MCFD2: variants seen among roughly 807,000 people sequenced by gnomAD.
MCFD2 encodes multiple coagulation factor deficiency protein 2.
MCFD2 carries 11 observed loss-of-function variants against 12.8 expected under a neutral mutation model. That is an observed-to-expected ratio of 0.86 (90% CI 0.54 to 1.42). The LOEUF (loss-of-function observed/expected upper bound fraction) is 1.42. MCFD2 is among the 40% of genes most tolerant of loss of function. MCFD2 has a pLI of 0.00. For synonymous variants in MCFD2, 70 were observed against 68.1 expected (o/e 1.03, Z -0.14); for missense variants, 191 against 178.6 (o/e 1.07, Z -0.40).
At position 46,913,882 on chromosome 2, in the gene MCFD2, G is replaced by A. The variant is rs116216426; in HGVS notation, c.-7+1841C>T. Reference sequence around the variant, plus strand: ...CTGTCCATCTCCAACTTCCTTCCAGGACAGGTTCAAATGTCACCTCAGGAT... The same window carrying A: ...CTGTCCATCTCCAACTTCCTTCCAGAACAGGTTCAAATGTCACCTCAGGAT... On this transcript the variant is annotated intron_variant, in intron 1 of 3. Transcript: ENST00000319466. 1,514 of 152,942 alleles carry A rather than the reference G, an allele frequency of 9.9e-3. 30 individuals are homozygous for A. Among genetic ancestry groups the A allele is most frequent in the African/African-American group, 0.034 (1,417 of 41,584 alleles). The allele number at this position is 152,942 out of a possible 1,614,324, so 9.5% of individuals were successfully genotyped here. A position where few individuals can be genotyped will look rare whatever the true frequency, so the allele number is the denominator to read the frequency against.
chr2:46,911,348 G>A lies in MCFD2; in HGVS notation c.-6-2171C>T, dbSNP rs182896569. The stretch of plus-strand genomic sequence containing the variant: ...TCACCATCTTGGCCAGGCTGATCTC[G>A]AACTCCAGACCTCAGGTGATCCACC... On this transcript the variant is annotated intron_variant, in intron 1 of 3. Transcript: ENST00000319466. Among the ~76,000 whole-genome samples, 458 of 151,060 alleles carry A rather than the reference G, an allele frequency of 3.0e-3. 2 individuals carry two copies. The highest frequency in any genetic ancestry group is 9.8e-3 in the African/African-American group (405 of 41,220).
chr2:46,925,821 G>T (rs1436452111), intron 1 of MCFD2, among the ~76,000 whole-genome samples: 2 of 152,222 alleles, frequency 1.3e-5, no homozygotes, highest in African/African-American at 4.8e-5. Flanking sequence ...AGTGGCTTTT[G>T]TGGATACAAC....
chr2:46,924,296 C>G (rs1354475179), intron 1 of MCFD2, among the ~76,000 whole-genome samples: 1 of 151,820 alleles, frequency 6.6e-6, no homozygotes, highest in Non-Finnish European at 1.5e-5. Context: ...CCCAGGGAAG[C>G]CTTGGTATCA....
chr2:46,924,325 C>T (rs1051873536), intron 1 of MCFD2, among the ~76,000 whole-genome samples: 1 of 151,532 alleles, frequency 6.6e-6, no homozygotes, highest in Non-Finnish European at 1.5e-5. Context: ...ACATTCTTCC[C>T]TTCTCTCCAC....
At chr2:46,922,909 A>T (rs573021283) in intron 1 of MCFD2, among the ~76,000 whole-genome samples, 5 of 152,214 alleles carry the variant, frequency 3.3e-5, no homozygotes, top group Non-Finnish European at 7.4e-5. Context: ...ACCAGTCGCA[A>T]GTCCAAGGCC....
At chr2:46,926,841 A>C (rs1461121823) in intron 1 of MCFD2, among the ~76,000 whole-genome samples, 1 of 152,250 alleles carries the variant, frequency 6.6e-6, no homozygotes, top group Admixed American at 6.5e-5. Flanking sequence ...AGAGGTTGTT[A>C]AACACTGCTT....
chr2:46,917,041 G>C, upstream of MCFD2: 1 of 608,876 alleles, frequency 1.6e-6, no homozygotes, highest in South Asian at 1.9e-5. Flanking sequence ...AAGTGGCTAA[G>C]TAGTTAGATG....
In MCFD2 at chr2:46,907,881, G is replaced by A. The variant is rs763394078; in HGVS notation, c.238C>T (p.His80Tyr). ...AGCAAATTATTGCCATCATAATCATGCATTTTGAAGTAATGGAGCTGCAAT... is the reference window on the plus strand; with the variant it reads ...AGCAAATTATTGCCATCATAATCATACATTTTGAAGTAATGGAGCTGCAAT... The part of the protein sequence containing the change: ...QELQLHYFKM[H>Y]DYDGNNLLDG... The change falls in exon 3 of 4, where the codon CAT (histidine) becomes TAT (tyrosine). Residue 80 changes from histidine (H) to tyrosine (Y), a missense_variant. Coordinates refer to ENST00000319466, the MANE Select transcript of MCFD2 (RefSeq NM_139279.6). This position sits in a 1 kb window ranked among gnomAD's most constrained non-coding sequence, Gnocchi z 4.1. 3.1e-6 allele frequency: 5 copies of A among 1,614,162 alleles called. No individual in the cohort carries two copies. Among genetic ancestry groups the A allele is most frequent in the Non-Finnish European group, 4.2e-6 (5 of 1,180,030 alleles).
chr2:46,919,758 A>G (rs978372076), upstream of MCFD2, among the ~76,000 whole-genome samples: 5 of 152,212 alleles, frequency 3.3e-5, no homozygotes, highest in African/African-American at 1.2e-4. Context: ...AGAGGAAAAA[A>G]CAAGGGTGCG....
chr2:46,924,953 C>G (rs181627100), intron 1 of MCFD2, among the ~76,000 whole-genome samples: 28 of 152,286 alleles, frequency 1.8e-4, no homozygotes, highest in Middle Eastern at 3.4e-3. Context: ...CAAGAGTACT[C>G]TTAGTTTTTG....
rs577505928 is a variant in MCFD2 at position 46,937,291 on chromosome 2, C to T, written c.-8+4281G>A. ...TATTTCTTTTCCCCTACCCTATGCT[C>T]CTCCATCTCCCTCTGCCCTTTTCTC... On this transcript the variant is annotated intron_variant, in intron 1 of 2. Coordinates refer to the MCFD2 transcript ENST00000409147. This position sits in a 1 kb window ranked among gnomAD's most constrained non-coding sequence, Gnocchi z 4.0. Among the ~76,000 whole-genome samples the T allele has an allele frequency of 1.8e-4, 27 of 149,640 alleles. 1 individual carries two copies. In the Middle Eastern group the frequency reaches 0.024, roughly 134 times the overall value.
In MCFD2 at chr2:46,902,521, T is replaced by C. The variant is rs2103722493; in HGVS notation, c.*2942A>G. ...ACTCAAATTCAGGGTCTCTCCCAGG[T>C]TGAAGAAGACAGAAAAGCAATAAAG... On this transcript the variant is annotated 3_prime_UTR_variant, in exon 4 of 4. Transcript: ENST00000319466. The C allele has an allele frequency of 6.5e-6, 1 of 152,792 alleles. No individual in the cohort carries two copies. The highest frequency in any genetic ancestry group is 1.9e-4 in the East Asian group (1 of 5,186). The allele number at this position is 152,792 out of a possible 1,614,324, so 9.5% of individuals were successfully genotyped here.
chr2:46,917,942 TG>T (rs1217549847), upstream of MCFD2, among the ~76,000 whole-genome samples: 1 of 152,256 alleles, frequency 6.6e-6, no homozygotes, highest in Non-Finnish European at 1.5e-5. Context: ...ATTATCAAAG[TG>T]TCCAGGGTTC....
intron 1 of MCFD2, among the ~76,000 whole-genome samples, chr2:46,935,707 G>A (rs183636246): frequency 8.3e-4 from 127 of 152,326 alleles, no homozygotes; most frequent in African/African-American, 2.9e-3. Context: ...GTGATCCTCT[G>A]AGGCTCTTAA....
intron 1 of MCFD2, among the ~76,000 whole-genome samples, chr2:46,928,459 T>TTA (rs1558477888): frequency 6.1e-5 from 5 of 81,976 alleles, no homozygotes; most frequent in Non-Finnish European, 2.7e-5. Context: ...AAAGGGAAAT[T>TTA]AAAAAAAAAA....
intron 3 of MCFD2, among the ~76,000 whole-genome samples, chr2:46,906,315 C>A (rs1397492050): frequency 6.6e-6 from 1 of 152,108 alleles, no homozygotes; most frequent in African/African-American, 2.4e-5. Flanking sequence ...CAATGCCATT[C>A]TCCTGTGCAA....
At position 46,941,554 on chromosome 2, in the gene MCFD2, G is replaced by A; in HGVS notation, c.-8+18C>T. The A allele has an allele frequency of 6.4e-7, 1 of 1,554,866 alleles. No individual in the cohort carries two copies. On this transcript the variant is annotated intron_variant, in intron 1 of 2. Transcript: ENST00000409147. This position sits in a 1 kb window ranked among gnomAD's most constrained non-coding sequence, Gnocchi z 4.2. ...CGCCCGCGAGAAGATGGCTGCGAAG[G>A]GCGCGCACGGCTCCTACCTGAAGGT...
intron 1 of MCFD2, among the ~76,000 whole-genome samples, chr2:46,939,010 C>CAA (rs1190579295): frequency 1.3e-5 from 1 of 76,980 alleles, no homozygotes; most frequent in Non-Finnish European, 2.8e-5. Flanking sequence ...GACTCTGTCT[C>CAA]AAAAAAAAAA....
chr2:46,907,681 G>A lies in MCFD2; in HGVS notation c.309+129C>T. On this transcript the variant is annotated intron_variant, in intron 3 of 3. Coordinates refer to ENST00000319466, the MANE Select transcript of MCFD2 (RefSeq NM_139279.6). The surrounding 1 kb of genome is among the most constrained non-coding windows in gnomAD (Gnocchi z 4.1). The stretch of plus-strand genomic sequence containing the variant: ...CAAAGTGCTGGGATTACAGATGCGA[G>A]CCATCATGCCCAGTGGAGAAGCAGC... 1 of 1,017,348 alleles carries A rather than the reference G, an allele frequency of 9.8e-7. No individual in the cohort carries two copies. Among genetic ancestry groups the A allele is most frequent in the Non-Finnish European group, 1.5e-6 (1 of 660,152 alleles). The allele number at this position is 1,017,348 out of a possible 1,614,324, so 63.0% of individuals were successfully genotyped here.
Sources: allele counts gnomAD v4.1 joint callset (sites outside exome capture counted in the v4.1 genomes callset), GRCh38; gene constraint gnomAD v4.1.1; non-coding constraint Gnocchi (gnomAD v3.1); transcripts MANE v1.5; gene names NCBI Gene and HGNC (gene_info 2026-07-23, HGNC 2026-07-21).